Variants in MARF1 observed in about 807,000 individuals in gnomAD.
MARF1 encodes limkain-b1.
MARF1 carries 24 observed loss-of-function variants against 168.2 expected under a neutral mutation model. That is an observed-to-expected ratio of 0.14 (90% CI 0.10 to 0.20). The LOEUF (loss-of-function observed/expected upper bound fraction) is 0.20. Among genes scored for constraint, MARF1 ranks in the 10% least tolerant of loss-of-function variants. The pLI, the probability that MARF1 is intolerant of heterozygous loss-of-function variation, is 1.00. For missense variants in MARF1, 1,744 were observed against 2,143.6 expected (o/e 0.81, Z 3.68); for synonymous variants, 868 against 822.4 (o/e 1.06, Z -0.95).
chr16:15,628,401 TTTTC>T (rs528747797), intron 7 of MARF1, among the ~76,000 whole-genome samples: 84 of 152,128 alleles, frequency 5.5e-4, no homozygotes, highest in African/African-American at 1.3e-3. Context: ...CATACTATTC[TTTTC>T]TTTCTTTTTT....
At chr16:15,630,999 A>C (rs979262154) in intron 6 of MARF1, among the ~76,000 whole-genome samples, 9 of 152,042 alleles carry the variant, frequency 5.9e-5, no homozygotes, top group Non-Finnish European at 1.2e-4. Context: ...GCGTGGTGGA[A>C]CATGCCTGTA....
At chr16:15,632,752 A>G (rs1392264146) in intron 5 of MARF1, among the ~76,000 whole-genome samples, 1 of 152,214 alleles carries the variant, frequency 6.6e-6, no homozygotes, top group African/African-American at 2.4e-5. Flanking sequence ...TAGACAAGCA[A>G]TATGGACTAT....
chr16:15,604,373 T>C lies in MARF1; in HGVS notation c.4208A>G (p.Gln1403Arg). Residue 1403 changes from glutamine (Q) to arginine (R), a missense_variant, in exon 22 of 27, where the codon CAG becomes CGG. Physicochemically the swap from Gln to Arg is conservative, Grantham distance 43. Around this residue, in one of 7 missense-constraint regions of MARF1, gnomAD observed 74 missense variants for 66.7 expected, o/e 1.11. Coordinates refer to ENST00000396368, the MANE Select transcript of MARF1 (RefSeq NM_014647.4). The stretch of plus-strand genomic sequence containing the variant: ...AGACTTTCGGTTGATCAGCTGAATC[T>C]GTCTGCCAGATTCTATATCGGCAAC... ...VKVADIESGRQIQLINRKSLR... is the reference protein window; with the variant it reads ...VKVADIESGRRIQLINRKSLR... The C allele has an allele frequency of 6.2e-7, 1 of 1,614,106 alleles. No homozygotes were observed. Among genetic ancestry groups the C allele is most frequent in the Non-Finnish European group, 8.5e-7 (1 of 1,179,922 alleles).
intron 7 of MARF1, among the ~76,000 whole-genome samples, chr16:15,628,701 C>A (rs2035042074): frequency 6.6e-6 from 1 of 152,160 alleles, no homozygotes; most frequent in Admixed American, 6.5e-5. Flanking sequence ...CAGGCGTGAG[C>A]CACATCACTC....
chr16:15,605,917 G>A (rs1391972484), intron 21 of MARF1: 2 of 151,110 alleles, frequency 1.3e-5, no homozygotes, highest in Admixed American at 1.3e-4. Flanking sequence ...ATCATCCTGG[G>A]CAACTGAACA....
At chr16:15,630,660 C>A (rs1457689186) in intron 6 of MARF1, among the ~76,000 whole-genome samples, 156 bp from the exon 7 acceptor site, 1 of 152,066 alleles carries the variant, frequency 6.6e-6, no homozygotes, top group East Asian at 1.9e-4. Context: ...CGTTTCACAT[C>A]AGAAGAATGT....
intron 23 of MARF1, chr16:15,601,524 C>A (rs2032427337): frequency 4.3e-6 from 1 of 234,730 alleles, no homozygotes; most frequent in South Asian, 6.4e-5. Context: ...CACTCCATGC[C>A]ACTTGTCACA....
Position 15,596,540 on chromosome 16 carries a change from T to C in MARF1, c.*153A>G. Reference sequence around the variant, plus strand: ...GACTTCAGCTCAAAGCTGTGTTCAATGGAAAAGAAAAACATGATAGAACAC... The same window carrying C: ...GACTTCAGCTCAAAGCTGTGTTCAACGGAAAAGAAAAACATGATAGAACAC... On this transcript the variant is annotated 3_prime_UTR_variant, in exon 27 of 27. Transcript: ENST00000396368. The C allele has an allele frequency of 4.6e-6, 3 of 652,908 alleles. No individual in the cohort carries two copies. The highest frequency in any genetic ancestry group is 3.0e-5 in the East Asian group (1 of 33,394). The allele number at this position is 652,908 out of a possible 1,614,324, so 40.4% of individuals were successfully genotyped here.
intron 6 of MARF1, among the ~76,000 whole-genome samples, chr16:15,631,107 G>T (rs190618873): frequency 1.3e-5 from 2 of 151,904 alleles, no homozygotes; most frequent in Non-Finnish European, 2.9e-5. Flanking sequence ...TCCAGCCTGG[G>T]CAACAAAAGC....
At chr16:15,631,950 G>T (rs1433343549) in intron 5 of MARF1, among the ~76,000 whole-genome samples, 1 of 152,158 alleles carries the variant, frequency 6.6e-6, no homozygotes, top group African/African-American at 2.4e-5. Context: ...TGGCTGCATA[G>T]TATTCCATCG....
chr16:15,605,512 G>A (rs146876014), intron 21 of MARF1, among the ~76,000 whole-genome samples: 12 of 152,066 alleles, frequency 7.9e-5, no homozygotes, highest in Non-Finnish European at 1.5e-4. Context: ...TCAACCAACC[G>A]ATACAAGTCC....
Position 15,616,008 on chromosome 16 carries a change from GA to G in MARF1, c.3078-4del. Reference sequence around the variant, plus strand: ...CTGCAATGTAACAATCTGGAAAGCTGAAATAGGAAAAAACAACAAAAAAAGG... The same window carrying G: ...CTGCAATGTAACAATCTGGAAAGCTGAATAGGAAAAAACAACAAAAAAAGG... On this transcript the variant is annotated splice_polypyrimidine_tract_variant and splice_region_variant and intron_variant, in intron 15 of 26. Coordinates refer to ENST00000396368, the MANE Select transcript of MARF1 (RefSeq NM_014647.4). 19 of 1,479,948 alleles carry G rather than the reference GA, an allele frequency of 1.3e-5. No individual in the cohort carries two copies. Among genetic ancestry groups the G allele is most frequent in the Non-Finnish European group, 1.7e-5 (19 of 1,108,452 alleles). 91.7% of individuals were successfully genotyped at this position (1,479,948 alleles called of 1,614,324 possible). A position where few individuals can be genotyped will look rare whatever the true frequency, so the allele number is the denominator to read the frequency against.
Position 15,642,663 on chromosome 16 carries a change from G to C in MARF1, c.-59+355C>G, listed in dbSNP as rs377444817. 1.3e-4 allele frequency among the ~76,000 whole-genome samples: 20 copies of C among 152,274 alleles called. 1 individual carries two copies. Among genetic ancestry groups the C allele is most frequent in the Admixed American group, 9.2e-4 (14 of 15,300 alleles). Reference sequence around the variant, plus strand: ...AGGAGAATGCAAAACGGCCGGGGAGGGGGGAGTGTGTTGCAAAAACACCCG... The same window carrying C: ...AGGAGAATGCAAAACGGCCGGGGAGCGGGGAGTGTGTTGCAAAAACACCCG... On this transcript the variant is annotated intron_variant, in intron 1 of 26. Coordinates refer to ENST00000396368, the MANE Select transcript of MARF1 (RefSeq NM_014647.4).
intron 22 of MARF1, 94 bp downstream of exon 22, chr16:15,604,074 G>A (rs2032782278): frequency 2.0e-6 from 2 of 994,690 alleles, no homozygotes; most frequent in Admixed American, 4.1e-5. Flanking sequence ...GTCCCTTCCA[G>A]CTCTACACAC....
intron 21 of MARF1, among the ~76,000 whole-genome samples, chr16:15,605,392 C>T (rs1371829661): frequency 1.3e-5 from 2 of 152,168 alleles, no homozygotes. Context: ...GCATCTTTAT[C>T]TGGTTCTGAC....
chr16:15,640,954 T>A lies in MARF1; in HGVS notation c.-58-1663A>T, dbSNP rs1296091235. Among the ~76,000 whole-genome samples, 4 of 152,146 alleles carry A rather than the reference T, an allele frequency of 2.6e-5. No homozygotes were observed. The East Asian group carries it at 7.7e-4, about 29-fold the overall frequency. ...TAAAATAAAGTTCAAAAAATTAGCA[T>A]AGTGTGGCAGCATGCGCCTAGTCCC... is the stretch of plus-strand genomic sequence containing the variant. On this transcript the variant is annotated intron_variant, in intron 1 of 26. Transcript: ENST00000396368.
At position 15,600,480 on chromosome 16, in the gene MARF1, C is replaced by T. The variant is rs183073190; in HGVS notation, c.4761G>A (p.Glu1587=). ...NQPSEGERIL[E]VPESHTASEL... ...CCGAGGCTGTGTGCGATTCGGGCAC[C>T]TCCAGGATGCGCTCGCCCTCCGAGG... Residue 1587 remains glutamate, a synonymous_variant, in exon 25 of 27, where the codon GAG becomes GAA. Transcript: ENST00000396368. 84 of 1,614,190 alleles carry T rather than the reference C, an allele frequency of 5.2e-5. No individual in the cohort carries two copies. The highest frequency in any genetic ancestry group is 6.7e-5 in the Non-Finnish European group (79 of 1,180,042).
chr16:15,620,528 T>C lies in MARF1; in HGVS notation c.2643A>G (p.Ala881=). The change falls in exon 13 of 27, where the codon GCA becomes GCG. Residue 881 remains alanine (A), a synonymous_variant. Transcript: ENST00000396368. ...AASKSLSLLS[A]ETMSVLQDAP... is the part of the protein sequence containing the mutation. ...CATCCTGAAGAACAGACATTGTTTCTGCACTGTAAAACAGAAGTTTGATTA... is the reference window on the plus strand; with the variant it reads ...CATCCTGAAGAACAGACATTGTTTCCGCACTGTAAAACAGAAGTTTGATTA... The C allele has an allele frequency of 6.2e-7, 1 of 1,609,784 alleles. No homozygotes were observed. Among genetic ancestry groups the C allele is most frequent in the Non-Finnish European group, 8.5e-7 (1 of 1,177,018 alleles).
At chr16:15,605,007 G>C (rs2151060824) in intron 21 of MARF1, among the ~76,000 whole-genome samples, 1 of 152,298 alleles carries the variant, frequency 6.6e-6, no homozygotes, top group East Asian at 1.9e-4. Context: ...GGAGATAAAG[G>C]GTTTAAGCGG....
Sources: gnomAD v4.1 joint callset for allele counts (sites outside exome capture counted in the v4.1 genomes callset) on GRCh38, gnomAD v4.1.1 for gene constraint, gnomAD v4.1.1 regional missense constraint, MANE v1.5 for transcripts, NCBI Gene and HGNC (gene_info 2026-07-23, HGNC 2026-07-21) for gene names.